TYR: variants seen among roughly 807,000 people sequenced by gnomAD.
The protein encoded by TYR is LB24-AB.
TYR carries 58 observed loss-of-function variants against 51.5 expected under a neutral mutation model. That is an observed-to-expected ratio of 1.13 (90% CI 0.91 to 1.40). The LOEUF (loss-of-function observed/expected upper bound fraction) is 1.40. Among genes scored for constraint, TYR ranks in the 40% most tolerant of loss-of-function variants. TYR has a pLI of 0.00. For synonymous variants in TYR, 263 were observed against 235.2 expected (o/e 1.12, Z -1.08); for missense variants, 732 against 647.4 (o/e 1.13, Z -1.42).
chr11:89,178,220 C>G lies in TYR; in HGVS notation c.267C>G (p.Cys89Trp). ...CTTCCGTCTTTTATAATAGGACCTGCCAGTGCTCTGGCAACTTCATGGGAT... is the reference window on the plus strand; with the variant it reads ...CTTCCGTCTTTTATAATAGGACCTGGCAGTGCTCTGGCAACTTCATGGGAT... The part of the protein sequence containing the change: ...SWPSVFYNRT[C>W]QCSGNFMGFN... The change falls in exon 1 of 5, where the codon TGC becomes TGG. Residue 89 changes from cysteine to tryptophan, a missense_variant. By Grantham distance (215) the Cys-to-Trp change is radical. Coordinates refer to ENST00000263321, the MANE Select transcript of TYR (RefSeq NM_000372.5). The G allele has an allele frequency of 6.2e-7, 1 of 1,614,140 alleles. No individual in the cohort carries two copies. Among genetic ancestry groups the G allele is most frequent in the Non-Finnish European group, 8.5e-7 (1 of 1,180,032 alleles).
At chr11:89,271,940 A>G (rs1336580929) in intron 3 of TYR, among the ~76,000 whole-genome samples, 1 of 151,896 alleles carries the variant, frequency 6.6e-6, no homozygotes, top group Non-Finnish European at 1.5e-5. Context: ...ATGGGATTGA[A>G]TAATTTGTTT....
At chr11:89,277,435 A>C (rs1189409366) in intron 3 of TYR, among the ~76,000 whole-genome samples, 5 of 151,692 alleles carry the variant, frequency 3.3e-5, no homozygotes, top group Admixed American at 2.0e-4. Context: ...ATAACTCCAG[A>C]TTCTCTTGTA....
chr11:89,194,630 T>C (rs761059226), intron 2 of TYR, among the ~76,000 whole-genome samples: 1 of 151,090 alleles, frequency 6.6e-6, no homozygotes, highest in Non-Finnish European at 1.5e-5. Flanking sequence ...ATTCTACTAT[T>C]AGCAAAAATC....
At chr11:89,202,146 T>G (rs778302442) in intron 2 of TYR, among the ~76,000 whole-genome samples, 1 of 152,160 alleles carries the variant, frequency 6.6e-6, no homozygotes, top group Non-Finnish European at 1.5e-5. Flanking sequence ...TTTGTATTTA[T>G]ATATTAAACC....
chr11:89,249,787 G>A (rs1944310474), intron 3 of TYR, among the ~76,000 whole-genome samples: 1 of 152,006 alleles, frequency 6.6e-6, no homozygotes, highest in Admixed American at 6.6e-5. Context: ...ATATGTTGTT[G>A]AAAATGAAAA....
chr11:89,209,595 GA>G (rs1304340513), intron 2 of TYR, among the ~76,000 whole-genome samples: 17 of 152,184 alleles, frequency 1.1e-4, no homozygotes, highest in African/African-American at 3.4e-4. Context: ...TGACAGCTCT[GA>G]AGAGAGCAGT....
At chr11:89,186,003 C>G (rs1943367439) in intron 1 of TYR, among the ~76,000 whole-genome samples, 3 of 152,070 alleles carry the variant, frequency 2.0e-5, no homozygotes, top group Admixed American at 2.0e-4. Flanking sequence ...TCAGAGTCAA[C>G]AATGCCTGTT....
At chr11:89,235,054 T>C (rs536123221) in intron 3 of TYR, among the ~76,000 whole-genome samples, 9 of 150,826 alleles carry the variant, frequency 6.0e-5, no homozygotes, top group Admixed American at 3.3e-4. Context: ...TTTCCAAACA[T>C]AAATAGCTTA....
chr11:89,226,555 G>T (rs1014399860), intron 2 of TYR, among the ~76,000 whole-genome samples: 5 of 151,982 alleles, frequency 3.3e-5, no homozygotes, highest in Non-Finnish European at 1.5e-5. Context: ...TTCAAAAGGA[G>T]GTAAAAGGAG....
chr11:89,201,961 A>G (rs747947852), intron 2 of TYR, among the ~76,000 whole-genome samples: 3 of 152,136 alleles, frequency 2.0e-5, no homozygotes, highest in Non-Finnish European at 4.4e-5. Context: ...CGAAATCCAA[A>G]AAGACATGGT....
chr11:89,203,638 G>A (rs1460893327), intron 2 of TYR, among the ~76,000 whole-genome samples: 1 of 152,130 alleles, frequency 6.6e-6, no homozygotes, highest in Non-Finnish European at 1.5e-5. Flanking sequence ...GGTCAGCTAG[G>A]AATATTGGGA....
Position 89,178,735 on chromosome 11 carries a change from A to T in TYR, c.782A>T (p.Asn261Ile). ...GGAGGTCAGCACCCCACAAATCCTA[A>T]CTTACTCAGCCCAGCATCATTCTTC... Reference protein sequence around the residue: ...YMGGQHPTNPNLLSPASFFSS... With the variant: ...YMGGQHPTNPILLSPASFFSS... Residue 261 changes from asparagine to isoleucine, a missense_variant, in exon 1 of 5, where the codon AAC becomes ATC. Physicochemically the swap from Asn to Ile is moderately radical, Grantham distance 149 (BLOSUM62 -3). Transcript: ENST00000263321. The T allele has an allele frequency of 6.2e-7, 1 of 1,614,044 alleles. No individual in the cohort carries two copies. The highest frequency in any genetic ancestry group is 8.5e-7 in the Non-Finnish European group (1 of 1,179,994).
intron 2 of TYR, among the ~76,000 whole-genome samples, chr11:89,215,896 T>G (rs114611267): frequency 2.0e-5 from 3 of 152,142 alleles, no homozygotes; most frequent in Admixed American, 1.3e-4. Context: ...TTCTGTTCTA[T>G]CTGTTTATGT....
At chr11:89,213,743 T>C (rs137972550) in intron 2 of TYR, among the ~76,000 whole-genome samples, 3,846 of 152,104 alleles carry the variant, frequency 0.025, 174 homozygotes, top group African/African-American at 0.089. Context: ...CCAAAACAGA[T>C]ATATAGACTA....
At chr11:89,228,098 T>A (rs12788232) in intron 3 of TYR, 128 bp downstream of exon 3, 2 of 1,141,964 alleles carry the variant, frequency 1.8e-6, no homozygotes, top group Non-Finnish European at 2.6e-6. Flanking sequence ...GATCAGGTTG[T>A]CACCAAAACA....
chr11:89,254,334 T>C (rs1944363840), intron 3 of TYR, among the ~76,000 whole-genome samples: 2 of 151,958 alleles, frequency 1.3e-5, no homozygotes, highest in South Asian at 2.1e-4. Context: ...CGGGTGATAC[T>C]GTCTTCATAG....
At chr11:89,223,187 C>T (rs1181356975) in intron 2 of TYR, among the ~76,000 whole-genome samples, 5 of 152,160 alleles carry the variant, frequency 3.3e-5, no homozygotes, top group African/African-American at 7.2e-5. Context: ...GTAGTTTTCA[C>T]ATTTGTAAAA....
intron 1 of TYR, among the ~76,000 whole-genome samples, 195 bp downstream of exon 1, chr11:89,178,967 G>A (rs527848765): frequency 5.9e-5 from 9 of 152,158 alleles, no homozygotes; most frequent in Admixed American, 5.9e-4. Context: ...GTAATTATTT[G>A]TTTAATGACT....
chr11:89,221,118 G>A (rs961126839), intron 2 of TYR, among the ~76,000 whole-genome samples: 1 of 152,196 alleles, frequency 6.6e-6, no homozygotes, highest in Non-Finnish European at 1.5e-5. Flanking sequence ...AGAATCACCT[G>A]TAGAACTGGT....
Sources: allele counts gnomAD v4.1 joint callset (sites outside exome capture counted in the v4.1 genomes callset), GRCh38; gene constraint gnomAD v4.1.1; transcripts MANE v1.5; gene names NCBI Gene and HGNC (gene_info 2026-07-23, HGNC 2026-07-21).